The following ARID4B variants were observed in gnomAD, a reference collection of about 807,000 sequenced individuals.
ARID4B encodes the protein AT-rich interaction domain 4B.
Under a neutral mutation model 147.5 loss-of-function variants are expected in ARID4B, and 26 were observed. The observed-to-expected ratio is 0.18, with a 90% CI of 0.13 to 0.24. The LOEUF is 0.24. Among genes scored for constraint, ARID4B ranks in the 10% least tolerant of loss-of-function variants. ARID4B has a pLI of 1.00. For synonymous variants in ARID4B, 512 were observed against 507.9 expected, an observed-to-expected ratio of 1.01 and a Z score of -0.11; for missense variants, 1,179 against 1,511.5, an observed-to-expected ratio of 0.78 and a Z score of 3.65.
At chr1:235,265,945 TAAA>T (rs1192574421) in intron 2 of ARID4B, among the ~76,000 whole-genome samples, 1 of 151,330 alleles carries the variant, frequency 6.6e-6, no homozygotes, top group Non-Finnish European at 1.5e-5. Context: ...AATTGTTTTT[TAAA>T]AAAAAATGTT....
At chr1:235,173,192 A>G (rs1663491524) in intron 22 of ARID4B, among the ~76,000 whole-genome samples, 1 of 152,100 alleles carries the variant, frequency 6.6e-6, no homozygotes, top group African/African-American at 2.4e-5. Flanking sequence ...AAAACTACAA[A>G]AATTAGCTGG....
At chr1:235,215,357 C>T (rs2103012065) in intron 16 of ARID4B, among the ~76,000 whole-genome samples, 1 of 152,096 alleles carries the variant, frequency 6.6e-6, no homozygotes, top group East Asian at 1.9e-4. Context: ...TATGTCTGTA[C>T]TTAAAGACTC....
intron 3 of ARID4B, 37 bp downstream of exon 3, chr1:235,260,605 C>T (rs1670233561): frequency 1.4e-6 from 2 of 1,453,980 alleles, no homozygotes; most frequent in Admixed American, 2.3e-5. Context: ...ATATCAAATG[C>T]TGAACATACA....
intron 2 of ARID4B, among the ~76,000 whole-genome samples, chr1:235,316,742 C>CGTT (rs1674465859): frequency 6.6e-6 from 1 of 151,966 alleles, no homozygotes; most frequent in Non-Finnish European, 1.5e-5. Context: ...TCGTTTGAAT[C>CGTT]CGGGAGCCGA....
In ARID4B at chr1:235,246,525, C is replaced by T; in HGVS notation, c.355-14G>A. On this transcript the variant is annotated splice_polypyrimidine_tract_variant and intron_variant, in intron 6 of 23. Coordinates refer to ENST00000264183, the MANE Select transcript of ARID4B (RefSeq NM_016374.6). ...CTGGTCTAATGTCTGTGGGTAAGAACATAAACCCATCAAAAAATTAACACT... is the reference window on the plus strand; with the variant it reads ...CTGGTCTAATGTCTGTGGGTAAGAATATAAACCCATCAAAAAATTAACACT... 1.3e-6 allele frequency: 2 copies of T among 1,586,498 alleles called. No individual in the cohort carries two copies.
intron 2 of ARID4B, among the ~76,000 whole-genome samples, chr1:235,310,675 A>G (rs1673984559): frequency 6.6e-6 from 1 of 152,000 alleles, no homozygotes; most frequent in African/African-American, 2.4e-5. Flanking sequence ...CGTGTTTTTG[A>G]TTTTGTTTTT....
At chr1:235,202,400 G>A (rs550598270) in intron 17 of ARID4B, among the ~76,000 whole-genome samples, 2 of 151,016 alleles carry the variant, frequency 1.3e-5, no homozygotes, top group African/African-American at 4.9e-5. Context: ...TATTTCCAAG[G>A]TATATATATG....
intron 19 of ARID4B, among the ~76,000 whole-genome samples, chr1:235,193,233 G>T (rs1665250116): frequency 6.6e-6 from 1 of 152,136 alleles, no homozygotes; most frequent in Non-Finnish European, 1.5e-5. Context: ...CCCGTCTCTA[G>T]AAACAATATA....
At chr1:235,174,901 G>A (rs1663747495) in intron 22 of ARID4B, among the ~76,000 whole-genome samples, 1 of 151,194 alleles carries the variant, frequency 6.6e-6, no homozygotes. Flanking sequence ...GTCAGGAGAT[G>A]GAGACCATCC....
intron 2 of ARID4B, among the ~76,000 whole-genome samples, chr1:235,271,036 C>T (rs1358349983): frequency 2.0e-5 from 3 of 152,056 alleles, no homozygotes; most frequent in East Asian, 3.9e-4. Flanking sequence ...ATCTGGAGAA[C>T]ATTTAAAAGA....
chr1:235,321,526 G>A (rs1025862000), intron 2 of ARID4B, among the ~76,000 whole-genome samples: 3 of 152,070 alleles, frequency 2.0e-5, no homozygotes, highest in African/African-American at 7.2e-5. Flanking sequence ...CTTCTTTTAA[G>A]ACAGACTCTT....
rs775409856 is a variant in ARID4B at position 235,172,769 on chromosome 1, A to C, written c.3665-5T>G. ...TTGTCATATTTTCCAGGTCCGCTATAAATTTAAAGCTTTCATTAACAGACA... is the reference window on the plus strand; with the variant it reads ...TTGTCATATTTTCCAGGTCCGCTATCAATTTAAAGCTTTCATTAACAGACA... On this transcript the variant is annotated splice_region_variant and splice_polypyrimidine_tract_variant and intron_variant, in intron 22 of 23. Coordinates refer to ENST00000264183, the MANE Select transcript of ARID4B (RefSeq NM_016374.6). 4 of 1,537,702 alleles carry C rather than the reference A, an allele frequency of 2.6e-6. No homozygotes were observed. The South Asian group carries it at 5.2e-5, about 20-fold the overall frequency.
chr1:235,251,017 T>C (rs1344202769), intron 6 of ARID4B, among the ~76,000 whole-genome samples: 1 of 152,152 alleles, frequency 6.6e-6, no homozygotes, highest in Non-Finnish European at 1.5e-5. Flanking sequence ...TTCCACGAAC[T>C]CAGGGAGAAT....
At chr1:235,215,735 A>G (rs1299203437) in intron 16 of ARID4B, among the ~76,000 whole-genome samples, 2 of 151,696 alleles carry the variant, frequency 1.3e-5, no homozygotes, top group Non-Finnish European at 2.9e-5. Context: ...GGCACACACC[A>G]CCACACCCAG....
intron 2 of ARID4B, among the ~76,000 whole-genome samples, chr1:235,303,375 TG>T (rs1392127057): frequency 6.9e-6 from 1 of 144,066 alleles, no homozygotes; most frequent in African/African-American, 2.6e-5. Context: ...AAACTAGAGG[TG>T]GGGGAAAAAA....
At chr1:235,205,638 A>G (rs1666258909) in intron 17 of ARID4B, among the ~76,000 whole-genome samples, 1 of 152,210 alleles carries the variant, frequency 6.6e-6, no homozygotes, top group South Asian at 2.1e-4. Context: ...CTGATAAGGG[A>G]ATAACATCTA....
intron 16 of ARID4B, among the ~76,000 whole-genome samples, chr1:235,217,842 G>C (rs1006781565): frequency 3.3e-5 from 5 of 152,066 alleles, no homozygotes; most frequent in African/African-American, 1.2e-4. Flanking sequence ...ATCAATTACA[G>C]TAAGCCCCTC....
At chr1:235,245,202 T>C (rs894614643) in intron 7 of ARID4B, among the ~76,000 whole-genome samples, 1 of 152,332 alleles carries the variant, frequency 6.6e-6, no homozygotes. Flanking sequence ...TAACTTAGAA[T>C]GTTTGCTGGA....
At chr1:235,322,821 G>T (rs1674935422) in intron 2 of ARID4B, among the ~76,000 whole-genome samples, 1 of 151,706 alleles carries the variant, frequency 6.6e-6, no homozygotes, top group Non-Finnish European at 1.5e-5. Context: ...GGAAGGAAAA[G>T]AACAGAGAGG....
Sources: gnomAD v4.1 joint callset for allele counts (sites outside exome capture counted in the v4.1 genomes callset) on GRCh38, gnomAD v4.1.1 for gene constraint, MANE v1.5 for transcripts, NCBI Gene and HGNC (gene_info 2026-07-23, HGNC 2026-07-21) for gene names.